CNN1: variants seen among roughly 807,000 people sequenced by gnomAD.
The protein encoded by CNN1 is calponin-1.
A neutral mutation model predicts 35.3 loss-of-function variants in CNN1; 21 were observed. The observed-to-expected ratio is 0.60, with a 90% CI of 0.42 to 0.86. CNN1 has a LOEUF of 0.86. Ranked by LOEUF, CNN1 falls within the 40% of genes least tolerant of loss-of-function variation. The pLI, the probability that CNN1 is intolerant of heterozygous loss-of-function variation, is 0.00. For missense variants in CNN1, 314 were observed against 400.8 expected (o/e 0.78, Z 1.85); for synonymous variants, 164 against 161.8 (o/e 1.01, Z -0.10).
At chr19:11,546,342 T>TC (rs1972581768) in intron 2 of CNN1, among the ~76,000 whole-genome samples, 1 of 147,810 alleles carries the variant, frequency 6.8e-6, no homozygotes, top group African/African-American at 2.6e-5. Context: ...CACCTTTCTT[T>TC]CTTTTTTTTT....
Position 11,539,217 on chromosome 19 carries a change from G to A in CNN1, c.63+227G>A, listed in dbSNP as rs1047629195. ...GGGCACACAGCCACACATAAACAGA[G>A]GGGGTCAGTCCATTGCAAAGATACC... On this transcript the variant is annotated intron_variant, in intron 1 of 6. Coordinates refer to ENST00000252456, the MANE Select transcript of CNN1 (RefSeq NM_001299.6). The A allele has an allele frequency of 3.9e-6, 5 of 1,271,926 alleles. No individual in the cohort carries two copies. In the East Asian group the frequency reaches 1.3e-4, roughly 32 times the overall value. The allele number at this position is 1,271,926 out of a possible 1,614,324, so 78.8% of individuals were successfully genotyped here.
At position 11,549,842 on chromosome 19, in the gene CNN1, C is replaced by T. The variant is rs1972682347; in HGVS notation, c.*47C>T. 1 of 1,563,792 alleles carries T rather than the reference C, an allele frequency of 6.4e-7. No homozygotes were observed. Among genetic ancestry groups the T allele is most frequent in the Non-Finnish European group, 8.7e-7 (1 of 1,150,962 alleles). ...TTCCCCCCAAGGGAGGCTGCTGCTG[C>T]TCTTGGCTGGACCCAGCCAGGCCCA... On this transcript the variant is annotated 3_prime_UTR_variant, in exon 7 of 7. Transcript: ENST00000252456. The surrounding 1 kb of genome is among the most constrained non-coding windows in gnomAD (Gnocchi z 5.2).
chr19:11,547,957 C>G, intron 5 of CNN1, 50 bp downstream of exon 5: 1 of 1,476,506 alleles, frequency 6.8e-7, no homozygotes, highest in Non-Finnish European at 9.3e-7. Context: ...AGGAGGGCAC[C>G]CTGATGTCTG....
intron 2 of CNN1, 39 bp from the exon 3 acceptor site, chr19:11,546,636 G>C: frequency 6.2e-7 from 1 of 1,611,044 alleles, no homozygotes; most frequent in South Asian, 1.1e-5. Flanking sequence ...GCCCAACCCT[G>C]GGGGGACACC....
In CNN1 at chr19:11,538,975, C is replaced by T. The variant is rs770026555; in HGVS notation, c.48C>T (p.Ala16=). The change falls in exon 1 of 7, where the codon GCC becomes GCT. Residue 16 remains alanine, a synonymous_variant. Transcript: ENST00000252456. Reference sequence around the variant, plus strand: ...GAGGCCCTGCCTACGGGCTGTCAGCCGAGGTTAAGAACAAGGTAGGGCTGG... The same window carrying T: ...GAGGCCCTGCCTACGGGCTGTCAGCTGAGGTTAAGAACAAGGTAGGGCTGG... The part of the protein sequence containing the change: ...FNRGPAYGLS[A]EVKNKLAQKY... 2.9e-5 allele frequency: 47 copies of T among 1,595,820 alleles called. No homozygotes were observed. Among genetic ancestry groups the T allele is most frequent in the Non-Finnish European group, 3.8e-5 (45 of 1,169,754 alleles).
At chr19:11,546,319 C>T (rs1371074888) in intron 2 of CNN1, among the ~76,000 whole-genome samples, 2 of 148,508 alleles carry the variant, frequency 1.3e-5, no homozygotes, top group East Asian at 2.0e-4. Context: ...GGCTGGAGAG[C>T]GGGAGTGGGG....
chr19:11,546,840 C>G lies in CNN1; in HGVS notation c.261C>G (p.Asn87Lys), dbSNP rs1972597687. The change falls in exon 4 of 7, where the codon AAC becomes AAG. Residue 87 changes from asparagine (N) to lysine (K), a missense_variant. Physicochemically the swap from Asn to Lys is moderately conservative, Grantham distance 94. Coordinates refer to ENST00000252456, the MANE Select transcript of CNN1 (RefSeq NM_001299.6). Reference protein sequence around the residue: ...ESTQNWHQLENIGNFIKAITK... With the variant: ...ESTQNWHQLEKIGNFIKAITK... ...CACCTGCCCCCCTCTAGCTGGAGAACATCGGCAACTTCATCAAGGCCATCA... is the reference window on the plus strand; with the variant it reads ...CACCTGCCCCCCTCTAGCTGGAGAAGATCGGCAACTTCATCAAGGCCATCA... 6.2e-7 allele frequency: 1 copy of G among 1,614,154 alleles called. No homozygotes were observed. Among genetic ancestry groups the G allele is most frequent in the African/African-American group, 1.3e-5 (1 of 74,954 alleles).
Position 11,549,612 on chromosome 19 carries a change from C to CTGCGACACGCTCAATGTCAGCCTGCAGA in CNN1, c.714_741dup (p.Gly248ArgfsTer45). On this transcript the variant is annotated frameshift_variant, in exon 7 of 7. Coordinates refer to ENST00000252456, the MANE Select transcript of CNN1 (RefSeq NM_001299.6). LOFTEE classifies it high-confidence loss of function. The surrounding 1 kb of genome is among the most constrained non-coding windows in gnomAD (Gnocchi z 5.2). ...TCGAGCCGGGGCTGGGCATGGAGCA[C>CTGCGACACGCTCAATGTCAGCCTGCAGA]TGCGACACGCTCAATGTCAGCCTGC... 3 of 1,611,550 alleles carry CTGCGACACGCTCAATGTCAGCCTGCAGA rather than the reference C, an allele frequency of 1.9e-6. No individual in the cohort carries two copies. The highest frequency in any genetic ancestry group is 1.3e-5 in the African/African-American group (1 of 75,000).
At chr19:11,543,339 C>A (rs1159337340) in intron 2 of CNN1, among the ~76,000 whole-genome samples, 1 of 140,932 alleles carries the variant, frequency 7.1e-6, no homozygotes, top group East Asian at 2.0e-4. Context: ...AACAGTGAAA[C>A]CCTGTCTCAA....
rs565826768 is a variant in CNN1 at position 11,550,073 on chromosome 19, C to A, written c.*278C>A. The A allele has an allele frequency of 8.5e-6, 3 of 352,714 alleles. No individual in the cohort carries two copies. The highest frequency in any genetic ancestry group is 9.1e-5 in the East Asian group (2 of 21,860). The allele number at this position is 352,714 out of a possible 1,614,324, so 21.8% of individuals were successfully genotyped here. The stretch of plus-strand genomic sequence containing the variant: ...CTGAGCAACGCTATTCCAGCTGTCC[C>A]CCCACTCCCTCACAAGTGGGTACCC... On this transcript the variant is annotated 3_prime_UTR_variant, in exon 7 of 7. Transcript: ENST00000252456.
intron 2 of CNN1, among the ~76,000 whole-genome samples, chr19:11,541,761 G>A (rs1972466353): frequency 6.6e-6 from 1 of 151,874 alleles, no homozygotes; most frequent in Admixed American, 6.6e-5. Flanking sequence ...GCTAATTTTT[G>A]TATTTTTTTA....
chr19:11,543,306 C>T lies in CNN1; in HGVS notation c.185+2109C>T, dbSNP rs999753498. On this transcript the variant is annotated intron_variant, in intron 2 of 6. Transcript: ENST00000252456. Reference sequence around the variant, plus strand: ...TCAAGGCTGCAGTGAGCTATGATCGCGCCACTGCACTCCAGCCTGGGCAAC... The same window carrying T: ...TCAAGGCTGCAGTGAGCTATGATCGTGCCACTGCACTCCAGCCTGGGCAAC... Among the ~76,000 whole-genome samples, 31 of 149,844 alleles carry T rather than the reference C, an allele frequency of 2.1e-4. No individual in the cohort carries two copies. In the East Asian group the frequency reaches 6.0e-3, roughly 29 times the overall value.
At position 11,549,615 on chromosome 19, in the gene CNN1, C is replaced by T. The variant is rs143956883; in HGVS notation, c.714C>T (p.Cys238=). 20 of 1,611,378 alleles carry T rather than the reference C, an allele frequency of 1.2e-5. 1 individual carries two copies. The highest frequency in any genetic ancestry group is 8.4e-5 in the Admixed American group (5 of 59,828). Reference sequence around the variant, plus strand: ...AGCCGGGGCTGGGCATGGAGCACTGCGACACGCTCAATGTCAGCCTGCAGA... The same window carrying T: ...AGCCGGGGCTGGGCATGGAGCACTGTGACACGCTCAATGTCAGCCTGCAGA... ...IFEPGLGMEH[C]DTLNVSLQMG... is the part of the protein sequence containing the mutation. Residue 238 remains cysteine, a synonymous_variant, in exon 7 of 7, where the codon TGC becomes TGT. Transcript: ENST00000252456. The surrounding 1 kb of genome is among the most constrained non-coding windows in gnomAD (Gnocchi z 5.2).
intron 5 of CNN1, among the ~76,000 whole-genome samples, chr19:11,548,248 G>C (rs527438748): frequency 6.6e-6 from 1 of 152,304 alleles, no homozygotes; most frequent in South Asian, 2.1e-4. Flanking sequence ...AGTCTCGAAA[G>C]GATGCCTCAG....
At chr19:11,548,804 T>C (rs1434030132) in intron 5 of CNN1, among the ~76,000 whole-genome samples, 1 of 151,766 alleles carries the variant, frequency 6.6e-6, no homozygotes, top group South Asian at 2.1e-4. Flanking sequence ...GCCGCTGCAC[T>C]CCAACCTGGG....
rs1469802255 is a variant in CNN1 at position 11,549,330 on chromosome 19, CCAA to C, written c.513_515del (p.Asn171del). 1.2e-6 allele frequency: 2 copies of C among 1,614,178 alleles called. No homozygotes were observed. Among genetic ancestry groups the C allele is most frequent in the East Asian group, 2.2e-5 (1 of 44,890 alleles). On this transcript the variant is annotated inframe_deletion, in exon 6 of 7. Transcript: ENST00000252456. The surrounding 1 kb of genome is among the most constrained non-coding windows in gnomAD (Gnocchi z 5.2). ...CTCCTTCTGGCTTCCTAGATGGGCA[CCAA>C]CAAGTTTGCCAGCCAGCAGGGCATG...
intron 2 of CNN1, among the ~76,000 whole-genome samples, chr19:11,546,118 C>T (rs983768168): frequency 3.9e-5 from 6 of 152,162 alleles, no homozygotes; most frequent in Non-Finnish European, 7.4e-5. Flanking sequence ...CCCAGAGACT[C>T]GGACACACCT....
chr19:11,547,920 C>A lies in CNN1; in HGVS notation c.501+13C>A. ...CATTGGGCTGCAGGTACCGCCCTGT[C>A]CTCACTGCGCAGAGGTCATAGAGGC... is the stretch of plus-strand genomic sequence containing the variant. On this transcript the variant is annotated intron_variant, in intron 5 of 6. Transcript: ENST00000252456. The A allele has an allele frequency of 2.5e-6, 4 of 1,607,830 alleles. No individual in the cohort carries two copies. Among genetic ancestry groups the A allele is most frequent in the South Asian group, 1.1e-5 (1 of 90,518 alleles).
rs34908887 is a variant in CNN1, at chr19:11,545,202, G to GA, written c.186-1458dup. Among the ~76,000 whole-genome samples, 863 of 138,678 alleles carry GA rather than the reference G, an allele frequency of 6.2e-3. 6 individuals are homozygous for GA. Among genetic ancestry groups the GA allele is most frequent in the Middle Eastern group, 0.015 (4 of 266 alleles). The allele number at this position is 138,678 out of a possible 152,430, so 91.0% of individuals were successfully genotyped here. A position where few individuals can be genotyped will look rare whatever the true frequency, so the allele number is the denominator to read the frequency against. ...AGTGACAGAGCAAGACTCCATCTCG[G>GA]AAAAAAAAAAAAAAATTCTGGCTGC... On this transcript the variant is annotated intron_variant, in intron 2 of 6. Transcript: ENST00000252456.
Sources: allele counts gnomAD v4.1 joint callset (sites outside exome capture counted in the v4.1 genomes callset), GRCh38; gene constraint gnomAD v4.1.1; non-coding constraint Gnocchi (gnomAD v3.1); transcripts MANE v1.5; gene names NCBI Gene and HGNC (gene_info 2026-07-23, HGNC 2026-07-21).